FRMD4B: variants seen among roughly 807,000 people sequenced by gnomAD.
FRMD4B encodes the protein FERM domain containing 4B.
Under a neutral mutation model 141.5 loss-of-function variants are expected in FRMD4B, and 74 were observed. The ratio of observed to expected loss-of-function variants is 0.52; its 90% CI spans 0.43 to 0.63. The LOEUF is 0.63. Ranked by LOEUF, FRMD4B falls within the 30% of genes least tolerant of loss-of-function variation. The probability of loss-of-function intolerance (pLI) is 0.00; values close to 1 mark genes in which losing one functional copy is unlikely to be tolerated. For synonymous variants in FRMD4B, 506 were observed against 467.9 expected (o/e 1.08, Z -1.05); for missense variants, 1,366 against 1,253.4 (o/e 1.09, Z -1.36).
chr3:69,211,378 A>G (rs2093078044), intron 11 of FRMD4B, among the ~76,000 whole-genome samples: 1 of 152,140 alleles, frequency 6.6e-6, no homozygotes, highest in Admixed American at 6.5e-5. Flanking sequence ...ACTGTACTAC[A>G]CTACACACTG....
At chr3:69,493,622 G>A (rs992798899) in intron 1 of FRMD4B, among the ~76,000 whole-genome samples, 3 of 151,974 alleles carry the variant, frequency 2.0e-5, no homozygotes, top group Admixed American at 1.3e-4. Flanking sequence ...CCATTTATTC[G>A]CCCTCCTAGC....
At chr3:69,361,031 T>C (rs1399970769) in intron 1 of FRMD4B, among the ~76,000 whole-genome samples, 1 of 152,232 alleles carries the variant, frequency 6.6e-6, no homozygotes, top group Non-Finnish European at 1.5e-5. Flanking sequence ...TTTGACTCTT[T>C]ATCTTTATTT....
chr3:69,483,222 TC>T (rs1002901729), intron 1 of FRMD4B, among the ~76,000 whole-genome samples: 2 of 152,218 alleles, frequency 1.3e-5, no homozygotes, highest in African/African-American at 4.8e-5. Context: ...GACTCCATGT[TC>T]CCAACCCATG....
chr3:69,266,074 C>T (rs2093560351), intron 5 of FRMD4B, among the ~76,000 whole-genome samples: 1 of 151,762 alleles, frequency 6.6e-6, no homozygotes, highest in African/African-American at 2.4e-5. Context: ...TGATGGCATG[C>T]ACCTGTAGTC....
Position 69,193,954 on chromosome 3 carries a change from T to C in FRMD4B, c.1489-81A>G, listed in dbSNP as rs1216130987. 11 of 827,112 alleles carry C rather than the reference T, an allele frequency of 1.3e-5. No individual in the cohort carries two copies. The African/African-American group carries it at 1.9e-4, about 14-fold the overall frequency. The allele number at this position is 827,112 out of a possible 1,614,324, so 51.2% of individuals were successfully genotyped here. A position where few individuals can be genotyped will look rare whatever the true frequency, so the allele number is the denominator to read the frequency against. On this transcript the variant is annotated intron_variant, in intron 16 of 22. Coordinates refer to ENST00000398540, the MANE Select transcript of FRMD4B (RefSeq NM_015123.3). ...ATGCATTGTGTAATAAAACTTCCTG[T>C]GCACTTTCTTGAATCAGACGTTCTT...
chr3:69,254,106 CT>C (rs1008113202), intron 5 of FRMD4B, among the ~76,000 whole-genome samples: 66 of 149,074 alleles, frequency 4.4e-4, no homozygotes, highest in African/African-American at 1.4e-3. Flanking sequence ...AAACTCACAC[CT>C]TTTTTTTTTC....
chr3:69,201,818 T>C (rs1360985254), intron 11 of FRMD4B, among the ~76,000 whole-genome samples: 1 of 152,184 alleles, frequency 6.6e-6, no homozygotes, highest in African/African-American at 2.4e-5. Context: ...GGGCAGGCAG[T>C]TGAACGGTGT....
rs1553730362 is a variant in FRMD4B, at chr3:69,362,710, C to CCCAA, written c.162+23117_162+23118insTTGG. Among the ~76,000 whole-genome samples the CCCAA allele has an allele frequency of 4.5e-4, 67 of 148,194 alleles. 1 individual carries two copies. The highest frequency in any genetic ancestry group is 3.5e-3 in the Middle Eastern group (1 of 284). ...AACAACAAAAAGCCAACCCCCCCCC[C>CCCAA]AAAAAAACAAACAAAAAACAAAAAC... is the stretch of plus-strand genomic sequence containing the variant. On this transcript the variant is annotated intron_variant, in intron 1 of 22. Coordinates refer to ENST00000398540, the MANE Select transcript of FRMD4B (RefSeq NM_015123.3).
intron 2 of FRMD4B, among the ~76,000 whole-genome samples, chr3:69,401,390 A>G (rs1201623764): frequency 6.6e-6 from 1 of 152,216 alleles, no homozygotes; most frequent in East Asian, 1.9e-4. Context: ...ATTTTATCTT[A>G]AAGATTCCTG....
At chr3:69,191,969 A>G (rs185507417) in intron 17 of FRMD4B, among the ~76,000 whole-genome samples, 1 of 152,320 alleles carries the variant, frequency 6.6e-6, no homozygotes, top group East Asian at 1.9e-4. Context: ...TCTACACCCA[A>G]TTATATTCTA....
intron 2 of FRMD4B, among the ~76,000 whole-genome samples, chr3:69,415,544 A>G (rs931274631): frequency 5.9e-5 from 9 of 152,040 alleles, no homozygotes; most frequent in African/African-American, 2.2e-4. Context: ...TGGAACCCTC[A>G]GCCTCTTCTC....
chr3:69,320,460 G>A (rs1237425719), intron 1 of FRMD4B, among the ~76,000 whole-genome samples: 1 of 152,122 alleles, frequency 6.6e-6, no homozygotes, highest in Non-Finnish European at 1.5e-5. Flanking sequence ...GGGCATTGTG[G>A]TGTGTGCCTG....
chr3:69,392,339 C>G (rs1704398509), intron 2 of FRMD4B, among the ~76,000 whole-genome samples: 1 of 152,128 alleles, frequency 6.6e-6, no homozygotes, highest in Non-Finnish European at 1.5e-5. Flanking sequence ...GGATGCCTCC[C>G]TGAGCACATG....
rs1441196592 is a variant in FRMD4B, at chr3:69,522,480, C to T, written c.-129+19726G>A. 2.6e-5 allele frequency among the ~76,000 whole-genome samples: 4 copies of T among 152,226 alleles called. No homozygotes were observed. The East Asian group carries it at 5.8e-4, about 22-fold the overall frequency. ...ATTGGTCAGAACGCAGCCTCCTCCT[C>T]CCCCATACTCCAGCAAGAGAGGCTG... is the stretch of plus-strand genomic sequence containing the variant. On this transcript the variant is annotated intron_variant, in intron 1 of 5. Transcript: ENST00000459638.
At chr3:69,327,506 T>C (rs954347370) in intron 1 of FRMD4B, among the ~76,000 whole-genome samples, 5 of 152,246 alleles carry the variant, frequency 3.3e-5, no homozygotes, top group African/African-American at 1.2e-4. Flanking sequence ...ACATTAATTA[T>C]GGAGTACATG....
intron 1 of FRMD4B, among the ~76,000 whole-genome samples, chr3:69,530,242 T>C (rs1266754066): frequency 6.6e-6 from 1 of 152,240 alleles, no homozygotes; most frequent in Non-Finnish European, 1.5e-5. Context: ...TATATTGAAA[T>C]TTAATCCCTG....
intron 1 of FRMD4B, chr3:69,536,570 G>A (rs915688170): frequency 4.2e-5 from 30 of 719,596 alleles, no homozygotes; most frequent in Non-Finnish European, 1.8e-5. Context: ...AGGGCAGGAG[G>A]CGGCATGCCA....
intron 1 of FRMD4B, among the ~76,000 whole-genome samples, chr3:69,329,196 A>C (rs1702279799): frequency 1.3e-5 from 2 of 152,288 alleles, no homozygotes; most frequent in African/African-American, 4.8e-5. Context: ...AGGTTTACAG[A>C]GAATTCTGTT....
At chr3:69,489,498 T>C (rs1324928383) in intron 1 of FRMD4B, among the ~76,000 whole-genome samples, 5 of 151,320 alleles carry the variant, frequency 3.3e-5, no homozygotes, top group Admixed American at 6.6e-5. Flanking sequence ...CTCAGTCTCA[T>C]TATTCATTAG....
Sources: gnomAD v4.1 joint callset for allele counts (sites outside exome capture counted in the v4.1 genomes callset) on GRCh38, gnomAD v4.1.1 for gene constraint, MANE v1.5 for transcripts, NCBI Gene and HGNC (gene_info 2026-07-23, HGNC 2026-07-21) for gene names.